SIPA1L1: variants seen among roughly 807,000 people sequenced by gnomAD.
The protein encoded by SIPA1L1 is signal induced proliferation associated 1 like 1.
SIPA1L1 carries 26 observed loss-of-function variants against 162.7 expected under a neutral mutation model. The ratio of observed to expected loss-of-function variants is 0.16; its 90% CI spans 0.12 to 0.22. SIPA1L1 has a LOEUF of 0.22. Ranked by LOEUF, SIPA1L1 falls within the 10% of genes least tolerant of loss-of-function variation. The pLI is 1.00. For missense variants in SIPA1L1, 1,874 were observed against 2,241.0 expected (o/e 0.84, Z 3.31); for synonymous variants, 829 against 837.4 (o/e 0.99, Z 0.17).
At chr14:71,381,450 A>G (rs2039897730) in intron 2 of SIPA1L1, among the ~76,000 whole-genome samples, 4 of 152,202 alleles carry the variant, frequency 2.6e-5, no homozygotes, top group Admixed American at 2.6e-4. Flanking sequence ...AGATAAATTT[A>G]TAATGATTTT....
chr14:71,539,710 G>A (rs1050989838), intron 4 of SIPA1L1, among the ~76,000 whole-genome samples: 2 of 152,062 alleles, frequency 1.3e-5, no homozygotes, highest in African/African-American at 4.8e-5. Flanking sequence ...TTAACTCATT[G>A]CCCTCAGGCT....
At chr14:71,365,782 G>T (rs2038228525) in intron 2 of SIPA1L1, among the ~76,000 whole-genome samples, 1 of 150,906 alleles carries the variant, frequency 6.6e-6, no homozygotes, top group Non-Finnish European at 1.5e-5. Context: ...CTGTCGTGCA[G>T]TGCTGAGATC....
intron 8 of SIPA1L1, among the ~76,000 whole-genome samples, chr14:71,653,000 A>T (rs149946043): frequency 1.4e-3 from 208 of 151,840 alleles, no homozygotes; most frequent in Non-Finnish European, 2.5e-3. Context: ...GTTGTTTTTG[A>T]TAAGATGTTG....
At chr14:71,460,456 T>A (rs1250530975) in intron 2 of SIPA1L1, among the ~76,000 whole-genome samples, 1 of 152,178 alleles carries the variant, frequency 6.6e-6, no homozygotes, top group Admixed American at 6.5e-5. Context: ...TCTTTACCTT[T>A]GTTGTGGAGT....
At chr14:71,399,269 T>C (rs575487515) in intron 2 of SIPA1L1, among the ~76,000 whole-genome samples, 2 of 152,314 alleles carry the variant, frequency 1.3e-5, no homozygotes, top group South Asian at 4.1e-4. Context: ...TTGATGATGT[T>C]TGTATTATCC....
intron 4 of SIPA1L1, among the ~76,000 whole-genome samples, chr14:71,570,524 CAA>C (rs2031774975): frequency 6.6e-6 from 1 of 152,178 alleles, no homozygotes; most frequent in East Asian, 1.9e-4. Flanking sequence ...CTTGGCCTCT[CAA>C]AGAGCTGGGA....
chr14:71,468,006 GT>G (rs1404056503), intron 2 of SIPA1L1, among the ~76,000 whole-genome samples: 181 of 9,614 alleles, frequency 0.019, no homozygotes, highest in Non-Finnish European at 0.054. Flanking sequence ...AGTTAGAGGG[GT>G]GTGTGTGTGT....
At chr14:71,590,802 C>T (rs568190836) in intron 5 of SIPA1L1, among the ~76,000 whole-genome samples, 32 of 152,172 alleles carry the variant, frequency 2.1e-4, no homozygotes, top group African/African-American at 6.3e-4. Flanking sequence ...TTTGGGGGTG[C>T]GATGATTCTT....
chr14:71,460,499 A>C (rs921205509), intron 2 of SIPA1L1, among the ~76,000 whole-genome samples: 4 of 152,174 alleles, frequency 2.6e-5, no homozygotes, highest in Non-Finnish European at 4.4e-5. Context: ...AGTCTGAGTC[A>C]ATCACCCCTG....
intron 4 of SIPA1L1, among the ~76,000 whole-genome samples, chr14:71,580,862 G>A (rs2033831054): frequency 6.6e-6 from 1 of 151,926 alleles, no homozygotes; most frequent in Non-Finnish European, 1.5e-5. Flanking sequence ...GGTGACACAT[G>A]TTCATTTCAG....
At chr14:71,719,882 G>A (rs139454876) in intron 17 of SIPA1L1, among the ~76,000 whole-genome samples, 1 of 152,156 alleles carries the variant, frequency 6.6e-6, no homozygotes, top group Non-Finnish European at 1.5e-5. Context: ...CAAGTTTCCC[G>A]TGTTGGCATC....
At chr14:71,603,647 G>A (rs920392237) in intron 5 of SIPA1L1, among the ~76,000 whole-genome samples, 1 of 152,014 alleles carries the variant, frequency 6.6e-6, no homozygotes, top group Non-Finnish European at 1.5e-5. Context: ...ATATAGCCGG[G>A]CATAGTGGCC....
intron 4 of SIPA1L1, among the ~76,000 whole-genome samples, chr14:71,549,836 G>A (rs1046469577): frequency 1.3e-5 from 2 of 152,136 alleles, no homozygotes; most frequent in Admixed American, 1.3e-4. Flanking sequence ...TTTAATTGCG[G>A]AAGTTGACGG....
chr14:71,533,635 G>T (rs867720495), intron 4 of SIPA1L1, among the ~76,000 whole-genome samples: 21 of 152,208 alleles, frequency 1.4e-4, no homozygotes, highest in South Asian at 8.3e-4. Flanking sequence ...TGTGTCTGCG[G>T]TTGTACATGC....
intron 14 of SIPA1L1, among the ~76,000 whole-genome samples, chr14:71,700,769 C>T (rs1167826787): frequency 4.6e-5 from 7 of 151,746 alleles, no homozygotes; most frequent in Non-Finnish European, 7.4e-5. Context: ...CCGAGGCGGG[C>T]GGATCACGAG....
At chr14:71,349,503 G>A (rs116925947) in intron 2 of SIPA1L1, among the ~76,000 whole-genome samples, 211 of 152,220 alleles carry the variant, frequency 1.4e-3, no homozygotes, top group Non-Finnish European at 2.5e-3. Flanking sequence ...GAAGGTTTAC[G>A]TCAGTGTTTT....
chr14:71,432,622 T>G (rs1458422854), intron 2 of SIPA1L1, among the ~76,000 whole-genome samples: 1 of 152,146 alleles, frequency 6.6e-6, no homozygotes, highest in Non-Finnish European at 1.5e-5. Flanking sequence ...GGGATTCCAG[T>G]TTCTATGGTC....
At chr14:71,647,389 T>G (rs1407933229) in intron 7 of SIPA1L1, among the ~76,000 whole-genome samples, 5 of 142,414 alleles carry the variant, frequency 3.5e-5, no homozygotes, top group Non-Finnish European at 3.1e-5. Flanking sequence ...TGCAGGAAAC[T>G]TTTTTTTTTT....
At chr14:71,482,995 G>C (rs746547626) in intron 2 of SIPA1L1, among the ~76,000 whole-genome samples, 1 of 152,100 alleles carries the variant, frequency 6.6e-6, no homozygotes, top group Non-Finnish European at 1.5e-5. Flanking sequence ...TCTTTTTTAC[G>C]AACAATTTCA....
Sources: gnomAD v4.1 joint callset for allele counts (sites outside exome capture counted in the v4.1 genomes callset) on GRCh38, gnomAD v4.1.1 for gene constraint, MANE v1.5 for transcripts, NCBI Gene and HGNC (gene_info 2026-07-23, HGNC 2026-07-21) for gene names.